The following ZNF469 variants were observed in gnomAD, a reference collection of about 807,000 sequenced individuals.
The protein encoded by ZNF469 is zinc finger protein 469.
Under a neutral mutation model 1.0 loss-of-function variants are expected in ZNF469, and 1 was observed. That is an observed-to-expected ratio of 1.00 (90% confidence interval 0.35 to 4.73). The LOEUF (loss-of-function observed/expected upper bound fraction) is 4.73, where lower values mean the gene tolerates loss of function less well. ZNF469 is among the 30% of genes most tolerant of loss of function. The probability of loss-of-function intolerance (pLI) is 0.16; values close to 1 mark genes in which losing one functional copy is unlikely to be tolerated. For missense variants in ZNF469, 6,100 were observed against 5,356.3 expected (o/e 1.14, Z -4.33); for synonymous variants, 2,703 against 2,363.4 (o/e 1.14, Z -4.17).
At position 88,383,108 on chromosome 16, in the gene ZNF469, C is replaced by A. The variant is rs529920764; in HGVS notation, c.-338C>A. Reference sequence around the variant, plus strand: ...CCCCGAGGCGCAGCGCGCGGCAGAGCGGCTCGGTGCCCGGCGGGCGGGCGG... The same window carrying A: ...CCCCGAGGCGCAGCGCGCGGCAGAGAGGCTCGGTGCCCGGCGGGCGGGCGG... On this transcript the variant is annotated 5_prime_UTR_variant, in exon 1 of 3. Transcript: ENST00000565624. Among the ~76,000 whole-genome samples, 1,201 of 149,900 alleles carry A rather than the reference C, an allele frequency of 8.0e-3. 22 individuals are homozygous for A. Among genetic ancestry groups the A allele is most frequent in the African/African-American group, 0.027 (1,129 of 41,300 alleles).
At chr16:88,313,912 CTG>C in the ZNF469 span, among the ~76,000 whole-genome samples, 1 of 150,498 alleles carries the variant, frequency 6.6e-6, no homozygotes, top group Non-Finnish European at 1.5e-5. Context: ...ACTGTCATCT[CTG>C]TAATTCAGGC....
chr16:88,195,719 G>T, the ZNF469 span, among the ~76,000 whole-genome samples: 1 of 152,244 alleles, frequency 6.6e-6, no homozygotes, highest in Admixed American at 6.5e-5. Context: ...TGAGACCTCG[G>T]GGTGTCCCGA....
intron 1 of ZNF469, among the ~76,000 whole-genome samples, chr16:88,385,367 A>C (rs187448185): frequency 1.6e-4 from 25 of 151,954 alleles, no homozygotes; most frequent in Admixed American, 2.6e-4. Context: ...CCAGCCGGGG[A>C]TGGTGGCTGT....
At chr16:88,117,460 A>G in the ZNF469 span, among the ~76,000 whole-genome samples, 2 of 152,214 alleles carry the variant, frequency 1.3e-5, no homozygotes, top group African/African-American at 2.4e-5. Context: ...TTACTTGGAG[A>G]GACAATTCAG....
At chr16:88,362,430 C>A in the ZNF469 span, among the ~76,000 whole-genome samples, 1 of 152,196 alleles carries the variant, frequency 6.6e-6, no homozygotes, top group African/African-American at 2.4e-5. Context: ...TTTCTTAAAA[C>A]CTAGGTCAGC....
At chr16:88,259,196 C>A in the ZNF469 span, among the ~76,000 whole-genome samples, 1 of 152,200 alleles carries the variant, frequency 6.6e-6, no homozygotes, top group Non-Finnish European at 1.5e-5. This position sits in a 1 kb window ranked among gnomAD's most constrained non-coding sequence, Gnocchi z 4.1. Flanking sequence ...TCGCGGCCAC[C>A]CACCGGCTTG....
At chr16:88,269,665 C>T in the ZNF469 span, among the ~76,000 whole-genome samples, 37,208 of 151,962 alleles carry the variant, frequency 0.24, 5,004 homozygotes, top group East Asian at 0.39. Context: ...GTTTAAATCA[C>T]GTCTTCTGCA....
At chr16:88,368,439 AG>A in the ZNF469 span, among the ~76,000 whole-genome samples, 2 of 152,174 alleles carry the variant, frequency 1.3e-5, no homozygotes, top group African/African-American at 4.8e-5. Context: ...CTTTCTCTTC[AG>A]GGCTTCCTGA....
At chr16:88,405,330 A>T (rs904784) in intron 1 of ZNF469, among the ~76,000 whole-genome samples, 103,992 of 152,016 alleles carry the variant, frequency 0.68, 35,800 homozygotes, top group South Asian at 0.85. Context: ...CTGTTTTTAA[A>T]ATATTAGAAG....
the ZNF469 span, among the ~76,000 whole-genome samples, chr16:88,366,889 C>A: frequency 6.6e-6 from 1 of 152,102 alleles, no homozygotes; most frequent in Non-Finnish European, 1.5e-5. Context: ...CCATCATCAC[C>A]GTCATCATCA....
At chr16:88,399,906 A>C (rs1424273067) in intron 1 of ZNF469, among the ~76,000 whole-genome samples, 1 of 152,194 alleles carries the variant, frequency 6.6e-6, no homozygotes, top group Non-Finnish European at 1.5e-5. Flanking sequence ...GGGCCACCTC[A>C]GGAGAAGCAG....
the ZNF469 span, among the ~76,000 whole-genome samples, chr16:88,172,601 A>T: frequency 6.6e-6 from 1 of 152,212 alleles, no homozygotes; most frequent in African/African-American, 2.4e-5. Flanking sequence ...AAATAAGAAG[A>T]TATGCAAAAA....
chr16:88,195,297 T>A, the ZNF469 span: 2 of 152,016 alleles, frequency 1.3e-5, no homozygotes, highest in African/African-American at 4.8e-5. Flanking sequence ...GCCCAGGGGG[T>A]GACAGGGCCT....
chr16:88,308,330 G>A, the ZNF469 span, among the ~76,000 whole-genome samples: 1 of 152,184 alleles, frequency 6.6e-6, no homozygotes, highest in Non-Finnish European at 1.5e-5. Context: ...ATTTCCATAT[G>A]AATCTCAGGA....
chr16:88,151,942 A>T, the ZNF469 span, among the ~76,000 whole-genome samples: 1 of 152,158 alleles, frequency 6.6e-6, no homozygotes, highest in Non-Finnish European at 1.5e-5. The surrounding 1 kb of genome is among the most constrained non-coding windows in gnomAD (Gnocchi z 5.4). Context: ...ATAAATAAAT[A>T]CTTGTGTAAA....
At chr16:88,213,767 C>T in the ZNF469 span, among the ~76,000 whole-genome samples, 1 of 152,150 alleles carries the variant, frequency 6.6e-6, no homozygotes, top group East Asian at 1.9e-4. Context: ...TTACTGTGGC[C>T]TTGCTGTTTC....
intron 1 of ZNF469, among the ~76,000 whole-genome samples, chr16:88,411,614 CG>C (rs1375823271): frequency 1.3e-5 from 2 of 152,112 alleles, no homozygotes; most frequent in Non-Finnish European, 2.9e-5. Context: ...TCAGGGAGAA[CG>C]GGGTGTAGGG....
At chr16:88,252,496 C>A in the ZNF469 span, among the ~76,000 whole-genome samples, 50,993 of 148,186 alleles carry the variant, frequency 0.34, 9,128 homozygotes, top group Middle Eastern at 0.45. Context: ...CCTCTGGCTT[C>A]TCTTGGCTTC....
chr16:88,202,344 C>G, the ZNF469 span, among the ~76,000 whole-genome samples: 1 of 152,184 alleles, frequency 6.6e-6, no homozygotes, highest in African/African-American at 2.4e-5. Flanking sequence ...GGCTCGGGCT[C>G]AGGACCGGGG....
Sources: gnomAD v4.1 joint callset for allele counts (sites outside exome capture counted in the v4.1 genomes callset) on GRCh38, gnomAD v4.1.1 for gene constraint, Gnocchi (gnomAD v3.1) non-coding constraint, MANE v1.5 for transcripts, NCBI Gene and HGNC (gene_info 2026-07-23, HGNC 2026-07-21) for gene names.